Variants in SH3RF3 observed in about 807,000 individuals in gnomAD.
The protein encoded by SH3RF3 is SH3 domain containing ring finger 3.
SH3RF3 carries 29 observed loss-of-function variants against 66.3 expected under a neutral mutation model. That is an observed-to-expected ratio of 0.44 (90% CI 0.33 to 0.60). The LOEUF (loss-of-function observed/expected upper bound fraction) is 0.60, where lower values mean the gene tolerates loss of function less well. SH3RF3 is among the 20% of genes least tolerant of loss of function. The pLI is 0.04. For missense variants in SH3RF3, 1,194 were observed against 1,190.9 expected (o/e 1.00, Z -0.04); for synonymous variants, 583 against 532.0 (o/e 1.10, Z -1.32).
intron 3 of SH3RF3, among the ~76,000 whole-genome samples, chr2:109,372,318 C>T (rs961153452): frequency 6.6e-6 from 1 of 152,186 alleles, no homozygotes; most frequent in Admixed American, 6.5e-5. Context: ...CTTTAAAACA[C>T]CTGCTAGCCT....
At chr2:109,194,103 C>T (rs563891678) in intron 1 of SH3RF3, among the ~76,000 whole-genome samples, 135 of 152,362 alleles carry the variant, frequency 8.9e-4, no homozygotes, top group African/African-American at 3.1e-3. Context: ...CTCCCCAAGA[C>T]GCTGGATGCA....
At chr2:109,360,573 A>G (rs956061511) in intron 2 of SH3RF3, among the ~76,000 whole-genome samples, 1 of 152,248 alleles carries the variant, frequency 6.6e-6, no homozygotes, top group Non-Finnish European at 1.5e-5. Flanking sequence ...ATCTGAAAAC[A>G]TCTGAAGTCC....
chr2:109,371,205 A>G (rs1683263374), intron 2 of SH3RF3, among the ~76,000 whole-genome samples: 1 of 152,222 alleles, frequency 6.6e-6, no homozygotes, highest in African/African-American at 2.4e-5. Context: ...CCTGGGCAAC[A>G]TGGCAAGACA....
intron 6 of SH3RF3, among the ~76,000 whole-genome samples, chr2:109,436,566 G>C (rs1677405009): frequency 6.6e-6 from 1 of 152,240 alleles, no homozygotes. Flanking sequence ...TGTTCTTTCT[G>C]GATGTATCTG....
At chr2:109,306,327 T>C (rs1401212839) in intron 1 of SH3RF3, among the ~76,000 whole-genome samples, 1 of 152,208 alleles carries the variant, frequency 6.6e-6, no homozygotes, top group Non-Finnish European at 1.5e-5. Flanking sequence ...TTCTGACCCC[T>C]GTGTGTCCCT....
chr2:109,239,338 A>G (rs983656458), intron 1 of SH3RF3, among the ~76,000 whole-genome samples: 2 of 152,178 alleles, frequency 1.3e-5, no homozygotes, highest in Non-Finnish European at 2.9e-5. Flanking sequence ...ATTTTTGTTA[A>G]GATTCAATGG....
At chr2:109,305,530 A>G (rs903830428) in intron 1 of SH3RF3, among the ~76,000 whole-genome samples, 22 of 152,172 alleles carry the variant, frequency 1.4e-4, no homozygotes, top group African/African-American at 5.1e-4. Flanking sequence ...TGGGCGCAGA[A>G]GTGCTGTGTG....
intron 4 of SH3RF3, among the ~76,000 whole-genome samples, chr2:109,412,485 C>T (rs190712816): frequency 1.9e-3 from 287 of 152,336 alleles, no homozygotes; most frequent in Non-Finnish European, 3.5e-3. Context: ...AGGACCAGTG[C>T]GTGCCTATCA....
intron 1 of SH3RF3, among the ~76,000 whole-genome samples, chr2:109,261,584 G>A (rs1307630618): frequency 6.6e-6 from 1 of 152,176 alleles, no homozygotes; most frequent in East Asian, 1.9e-4. Context: ...GGAAGGGTGT[G>A]CCCAGAAAGA....
intron 1 of SH3RF3, among the ~76,000 whole-genome samples, chr2:109,137,400 A>G (rs987048565): frequency 2.6e-5 from 4 of 152,232 alleles, no homozygotes; most frequent in Non-Finnish European, 4.4e-5. Context: ...AGCACCTTTC[A>G]GAGAAGCTGT....
At chr2:109,462,426 G>T (rs960319902) in intron 8 of SH3RF3, among the ~76,000 whole-genome samples, 1 of 152,118 alleles carries the variant, frequency 6.6e-6, no homozygotes, top group African/African-American at 2.4e-5. Flanking sequence ...GGCATCTGCA[G>T]TTGGAGTCAC....
intron 8 of SH3RF3, among the ~76,000 whole-genome samples, chr2:109,481,669 G>A (rs1380128904): frequency 1.3e-5 from 2 of 152,176 alleles, no homozygotes; most frequent in African/African-American, 4.8e-5. Context: ...CATGTGGATG[G>A]AGGGCTCTGC....
intron 1 of SH3RF3, among the ~76,000 whole-genome samples, chr2:109,248,844 C>T (rs1030669022): frequency 2.7e-5 from 4 of 147,684 alleles, no homozygotes; most frequent in East Asian, 2.0e-4. Flanking sequence ...TTCTCCTTTT[C>T]GTTTTCCTTT....
At chr2:109,234,098 G>A (rs1456963357) in intron 1 of SH3RF3, among the ~76,000 whole-genome samples, 4 of 152,200 alleles carry the variant, frequency 2.6e-5, no homozygotes, top group Non-Finnish European at 5.9e-5. Context: ...GGATCATAAG[G>A]TGAATGTGTG....
At chr2:109,182,082 G>A (rs574260817) in intron 1 of SH3RF3, among the ~76,000 whole-genome samples, 82 of 152,204 alleles carry the variant, frequency 5.4e-4, no homozygotes, top group Admixed American at 1.7e-3. Flanking sequence ...TTGAAAAGTA[G>A]GTAATTGCTT....
At chr2:109,272,243 T>C (rs1040100770) in intron 1 of SH3RF3, among the ~76,000 whole-genome samples, 9 of 152,228 alleles carry the variant, frequency 5.9e-5, no homozygotes, top group African/African-American at 1.9e-4. Flanking sequence ...GCTTCTTGCT[T>C]GTCTAGGTGA....
rs2105195521 is a variant in SH3RF3, at chr2:109,234,138, GT to G, written c.573+104030del. Among the ~76,000 whole-genome samples the G allele has an allele frequency of 2.0e-5, 3 of 152,280 alleles. No homozygotes were observed. In the East Asian group the frequency reaches 5.8e-4, roughly 29 times the overall value. On this transcript the variant is annotated intron_variant, in intron 1 of 9. Transcript: ENST00000309415. ...ATTTCCTTATAGGAAATGCCAGATT[GT>G]TTTTCAAAATAGCTATACCATGAAG... is the stretch of plus-strand genomic sequence containing the variant.
intron 1 of SH3RF3, chr2:109,313,654 C>T (rs1381255388): frequency 6.5e-6 from 1 of 154,988 alleles, no homozygotes; most frequent in Non-Finnish European, 1.5e-5. Flanking sequence ...CTCAACATCC[C>T]AGGGGGATGG....
intron 1 of SH3RF3, among the ~76,000 whole-genome samples, chr2:109,191,671 A>G (rs1233014631): frequency 2.0e-5 from 3 of 152,166 alleles, no homozygotes; most frequent in South Asian, 2.1e-4. Flanking sequence ...CCATGGCAGT[A>G]TAGCTGGGTG....
Sources: gnomAD v4.1 joint callset for allele counts (sites outside exome capture counted in the v4.1 genomes callset) on GRCh38, gnomAD v4.1.1 for gene constraint, MANE v1.5 for transcripts, NCBI Gene and HGNC (gene_info 2026-07-23, HGNC 2026-07-21) for gene names.